Variants in POLQ observed in about 807,000 individuals in gnomAD.
The protein encoded by POLQ is epididymis secretory sperm binding protein.
Under a neutral mutation model 259.2 loss-of-function variants are expected in POLQ, and 233 were observed. That is an observed-to-expected ratio of 0.90 (90% CI 0.81 to 1.00). POLQ has a LOEUF of 1.00. Ranked by LOEUF, POLQ falls within the 50% of genes least tolerant of loss-of-function variation. POLQ has a pLI of 0.00. For synonymous variants in POLQ, 1,025 were observed against 1,048.8 expected (o/e 0.98, Z 0.44); for missense variants, 2,871 against 3,051.6 (o/e 0.94, Z 1.39).
chr3:121,491,697 T>C (rs1269666990), intron 15 of POLQ, among the ~76,000 whole-genome samples: 1 of 152,088 alleles, frequency 6.6e-6, no homozygotes, highest in South Asian at 2.1e-4. Flanking sequence ...AACTCGTAAT[T>C]CTTCATATAA....
chr3:121,475,835 A>G (rs1441067867), intron 20 of POLQ, among the ~76,000 whole-genome samples: 1 of 152,216 alleles, frequency 6.6e-6, no homozygotes, highest in Admixed American at 6.5e-5. Flanking sequence ...CCTTTGCCCC[A>G]AACCTACTTG....
intron 27 of POLQ, among the ~76,000 whole-genome samples, chr3:121,436,606 T>C (rs747202482): frequency 5.3e-5 from 8 of 152,164 alleles, no homozygotes; most frequent in Non-Finnish European, 1.2e-4. Context: ...TAGACATCAT[T>C]CTAAGAGATC....
intron 6 of POLQ, among the ~76,000 whole-genome samples, chr3:121,531,612 T>A (rs1245283337): frequency 1.3e-5 from 2 of 152,224 alleles, no homozygotes; most frequent in African/African-American, 4.8e-5. Context: ...ATGTTCATTT[T>A]AAATAGATCA....
intron 7 of POLQ, among the ~76,000 whole-genome samples, chr3:121,527,217 C>T (rs1386669818): frequency 3.3e-5 from 5 of 152,124 alleles, no homozygotes; most frequent in Non-Finnish European, 5.9e-5. Context: ...TGCCCCACCA[C>T]GCCTGGCTAA....
At chr3:121,526,686 T>C (rs1475417311) in intron 7 of POLQ, among the ~76,000 whole-genome samples, 4 of 152,176 alleles carry the variant, frequency 2.6e-5, no homozygotes, top group African/African-American at 7.2e-5. Context: ...TTTTCCAATA[T>C]ATTATGTATT....
intron 6 of POLQ, 112 bp from the exon 7 acceptor site, chr3:121,529,904 A>T: frequency 2.8e-6 from 2 of 703,420 alleles, no homozygotes; most frequent in South Asian, 4.2e-5. Flanking sequence ...TTAAGGCATA[A>T]TGAAAATCAG....
At position 121,481,646 on chromosome 3, in the gene POLQ, GCT is replaced by G; in HGVS notation, c.6135_6136del (p.Arg2045SerfsTer30). 1.2e-6 allele frequency: 2 copies of G among 1,613,744 alleles called. No homozygotes were observed. The highest frequency in any genetic ancestry group is 1.7e-6 in the Non-Finnish European group (2 of 1,179,638). ...GAAGATGAGAATGGACTCCACAGATGCTCTGTATCGCCCAGAATGCTCACTGC... is the reference window on the plus strand; with the variant it reads ...GAAGATGAGAATGGACTCCACAGATGCTGTATCGCCCAGAATGCTCACTGC... On this transcript the variant is annotated frameshift_variant, in exon 19 of 30. Transcript: ENST00000264233. LOFTEE classifies it high-confidence loss of function.
At chr3:121,459,365 A>G (rs3856578) in intron 25 of POLQ, among the ~76,000 whole-genome samples, 89,680 of 143,278 alleles carry the variant, frequency 0.63, 28,461 homozygotes, top group East Asian at 0.89. Flanking sequence ...TACAGACTAG[A>G]AAGATTTTTT....
intron 12 of POLQ, among the ~76,000 whole-genome samples, chr3:121,505,376 A>C (rs1383480202): frequency 6.6e-6 from 1 of 152,206 alleles, no homozygotes; most frequent in African/African-American, 2.4e-5. Context: ...CTAATACAGT[A>C]AGCCAAAAAG....
chr3:121,449,629 G>C (rs2047657097), intron 25 of POLQ, among the ~76,000 whole-genome samples: 1 of 152,152 alleles, frequency 6.6e-6, no homozygotes, highest in African/African-American at 2.4e-5. Flanking sequence ...TTGAGAGAGA[G>C]ACAGAAGGGC....
chr3:121,530,875 A>G (rs1235627766), intron 6 of POLQ, among the ~76,000 whole-genome samples: 1 of 152,198 alleles, frequency 6.6e-6, no homozygotes, highest in African/African-American at 2.4e-5. Context: ...CAGTAGGAAG[A>G]GATAGATAAT....
At chr3:121,494,657 A>G in intron 14 of POLQ, 1 of 1,549,984 alleles carries the variant, frequency 6.5e-7, no homozygotes, top group Non-Finnish European at 8.8e-7. Context: ...TTACTGCATT[A>G]CCAAGGGGAA....
At position 121,526,071 on chromosome 3, in the gene POLQ, A is replaced by C. The variant is rs570907783; in HGVS notation, c.1108+3574T>G. On this transcript the variant is annotated intron_variant, in intron 7 of 29. Transcript: ENST00000264233. The stretch of plus-strand genomic sequence containing the variant: ...GAGTACAGTGCGTAATGAGCTTTAA[A>C]CATCCTCATGACCCCTTGATCTACA... Among the ~76,000 whole-genome samples the C allele has an allele frequency of 1.8e-4, 27 of 152,232 alleles. No homozygotes were observed. The East Asian group carries it at 5.0e-3, about 28-fold the overall frequency.
At chr3:121,503,055 C>T (rs2048184575) in intron 12 of POLQ, among the ~76,000 whole-genome samples, 1 of 152,170 alleles carries the variant, frequency 6.6e-6, no homozygotes, top group Non-Finnish European at 1.5e-5. Context: ...ACAGCAGTCC[C>T]ATAAGATTAT....
At chr3:121,444,845 T>C (rs993926644) in intron 26 of POLQ, among the ~76,000 whole-genome samples, 2 of 152,144 alleles carry the variant, frequency 1.3e-5, no homozygotes, top group Non-Finnish European at 2.9e-5. Context: ...CTTTTCAGCA[T>C]CAATTGAAAT....
chr3:121,536,315 A>C (rs1576429504), intron 5 of POLQ, among the ~76,000 whole-genome samples: 2 of 152,284 alleles, frequency 1.3e-5, no homozygotes, highest in East Asian at 3.9e-4. Context: ...TTAGTAAAAA[A>C]TTTAAAAGAA....
At chr3:121,453,279 A>G (rs1285788751) in intron 25 of POLQ, among the ~76,000 whole-genome samples, 3 of 152,052 alleles carry the variant, frequency 2.0e-5, no homozygotes, top group Non-Finnish European at 1.5e-5. Context: ...ATAAAACCAC[A>G]AAGATGGGGA....
In POLQ at chr3:121,488,363, C is replaced by T; in HGVS notation, c.4568G>A (p.Ser1523Asn). 2 of 1,613,042 alleles carry T rather than the reference C, an allele frequency of 1.2e-6. No individual in the cohort carries two copies. The highest frequency in any genetic ancestry group is 1.7e-6 in the Non-Finnish European group (2 of 1,179,264). The change falls in exon 16 of 30, where the codon AGT becomes AAT. Residue 1523 changes from serine (S) to asparagine (N), a missense_variant. By Grantham distance (46) the Ser-to-Asn change is conservative. This residue lies in a region of POLQ where 2,080 missense variants were observed against 2,126.0 expected (regional missense o/e 0.98). Transcript: ENST00000264233. Reference sequence around the variant, plus strand: ...GTCTTCTTGTAGACACAGAGAATCACTAAAATGGTTTGATGTTACTTCTGA... The same window carrying T: ...GTCTTCTTGTAGACACAGAGAATCATTAAAATGGTTTGATGTTACTTCTGA... ...LPSEVTSNHFSDSLCLQEDLI... is the reference protein window; with the variant it reads ...LPSEVTSNHFNDSLCLQEDLI...
At chr3:121,529,960 A>G (rs894116761) in intron 6 of POLQ, among the ~76,000 whole-genome samples, 168 bp from the exon 7 acceptor site, 1 of 152,204 alleles carries the variant, frequency 6.6e-6, no homozygotes, top group African/African-American at 2.4e-5. Context: ...AGAAAAAATA[A>G]ACTCCTAATG....
Sources: allele counts gnomAD v4.1 joint callset (sites outside exome capture counted in the v4.1 genomes callset), GRCh38; gene constraint gnomAD v4.1.1; regional missense constraint gnomAD v4.1.1; transcripts MANE v1.5; gene names NCBI Gene and HGNC (gene_info 2026-07-23, HGNC 2026-07-21).